The following IL6ST variants were observed in gnomAD, a reference collection of about 807,000 sequenced individuals.
IL6ST encodes interleukin-6 receptor subunit beta.
Under a neutral mutation model 91.3 loss-of-function variants are expected in IL6ST, and 24 were observed. The ratio of observed to expected loss-of-function variants is 0.26; its 90% CI spans 0.19 to 0.37. IL6ST has a LOEUF of 0.37. Among genes scored for constraint, IL6ST ranks in the 10% least tolerant of loss-of-function variants. The pLI, the probability that IL6ST is intolerant of heterozygous loss-of-function variation, is 1.00. For synonymous variants in IL6ST, 351 were observed against 373.6 expected, an observed-to-expected ratio of 0.94 and a Z score of 0.70; for missense variants, 914 against 1,078.5, an observed-to-expected ratio of 0.85 and a Z score of 2.14.
chr5:55,991,944 G>A (rs1475362958), intron 1 of IL6ST, among the ~76,000 whole-genome samples: 6 of 151,984 alleles, frequency 3.9e-5, no homozygotes, highest in African/African-American at 1.2e-4. Context: ...TTTATAATTC[G>A]GTCTTATCTT....
In IL6ST at chr5:55,935,408, T is replaced by C. The variant is rs1360556045; in HGVS notation, c.*5674A>G. ...GAAAATCTTTAGCGGTTGGGGAAAA[T>C]AGCTATATTTAAAAACAAATATTGA... is the stretch of plus-strand genomic sequence containing the variant. On this transcript the variant is annotated 3_prime_UTR_variant, in exon 17 of 17. Transcript: ENST00000381298. The C allele has an allele frequency of 9.8e-6, 2 of 203,788 alleles. No homozygotes were observed. The highest frequency in any genetic ancestry group is 4.6e-5 in the African/African-American group (2 of 43,636). 12.6% of individuals were successfully genotyped at this position (203,788 alleles called of 1,614,324 possible). A position where few individuals can be genotyped will look rare whatever the true frequency, so the allele number is the denominator to read the frequency against.
At position 55,940,019 on chromosome 5, in the gene IL6ST, T is replaced by C. The variant is rs145119330; in HGVS notation, c.*1063A>G. The C allele has an allele frequency of 5.4e-5, 10 of 186,722 alleles. No individual in the cohort carries two copies. The East Asian group carries it at 7.7e-4, about 14-fold the overall frequency. 11.6% of individuals were successfully genotyped at this position (186,722 alleles called of 1,614,324 possible). ...AAAAAAATTTAAATCTTTGCCTACT[T>C]ATTTAAAAATAAAAAAAATACTCAA... On this transcript the variant is annotated 3_prime_UTR_variant, in exon 17 of 17. Transcript: ENST00000381298.
chr5:55,964,223 A>G lies in IL6ST; in HGVS notation c.581T>C (p.Ile194Thr). 1 of 1,610,718 alleles carries G rather than the reference A, an allele frequency of 6.2e-7. No individual in the cohort carries two copies. The highest frequency in any genetic ancestry group is 8.5e-7 in the Non-Finnish European group (1 of 1,177,548). Reference protein sequence around the residue: ...VDYSTVYFVNIEVWVEAENAL... With the variant: ...VDYSTVYFVNTEVWVEAENAL... Reference sequence around the variant, plus strand: ...ATTCTCTGCTTCTACCCAGACTTCAATGTTGACAAAATACACAGTAGAATA... The same window carrying G: ...ATTCTCTGCTTCTACCCAGACTTCAGTGTTGACAAAATACACAGTAGAATA... Residue 194 changes from isoleucine to threonine, a missense_variant, in exon 6 of 17, where the codon ATT (isoleucine) becomes ACT (threonine). Ile to Thr is a moderately conservative substitution (Grantham distance 89). Transcript: ENST00000381298.
chr5:55,956,195 T>A lies in IL6ST; in HGVS notation c.1097A>T (p.Tyr366Phe). ...PFEANGKILD[Y>F]EVTLTRWKSH... is the part of the protein sequence containing the mutation. ...TTTCCATCTTGTGAGAGTCACTTCA[T>A]AATCCAAGATTTTTCCATTGGCTTC... The change falls in exon 10 of 17, where the codon TAT (tyrosine) becomes TTT (phenylalanine). Residue 366 changes from tyrosine (Y) to phenylalanine (F), a missense_variant. Tyr to Phe is a conservative substitution (Grantham distance 22, BLOSUM62 3). Coordinates refer to ENST00000381298, the MANE Select transcript of IL6ST (RefSeq NM_002184.4). The A allele has an allele frequency of 6.2e-7, 1 of 1,611,438 alleles. No homozygotes were observed. The highest frequency in any genetic ancestry group is 1.1e-5 in the South Asian group (1 of 90,960).
intron 15 of IL6ST, 97 bp downstream of exon 15, chr5:55,947,393 TTCA>T: frequency 1.4e-6 from 1 of 709,912 alleles, no homozygotes; most frequent in Non-Finnish European, 2.5e-6. Flanking sequence ...ATTACAAAAA[TTCA>T]TCAAACTGTA....
At chr5:55,983,915 T>C (rs1396294512) in intron 1 of IL6ST, among the ~76,000 whole-genome samples, 3 of 152,184 alleles carry the variant, frequency 2.0e-5, no homozygotes, top group African/African-American at 4.8e-5. Flanking sequence ...TAAGTTAATA[T>C]ATAGAGAGTA....
intron 15 of IL6ST, among the ~76,000 whole-genome samples, 167 bp from the exon 16 acceptor site, chr5:55,942,918 A>G (rs899373862): frequency 4.6e-5 from 7 of 152,188 alleles, no homozygotes; most frequent in Admixed American, 2.6e-4. Context: ...CTTATAACCA[A>G]TAGAAAAATA....
At chr5:55,989,442 T>A (rs1189235065) in intron 1 of IL6ST, among the ~76,000 whole-genome samples, 2 of 152,068 alleles carry the variant, frequency 1.3e-5, no homozygotes, top group Non-Finnish European at 2.9e-5. Flanking sequence ...AAGCATACAC[T>A]CTCTCTCCAG....
rs1750743824 is a variant in IL6ST, at chr5:55,939,440, A to G, written c.*1642T>C. On this transcript the variant is annotated 3_prime_UTR_variant, in exon 17 of 17. Coordinates refer to ENST00000381298, the MANE Select transcript of IL6ST (RefSeq NM_002184.4). Reference sequence around the variant, plus strand: ...TGCAAGAATATAAAAGATAAACAGGAAGTCTAATGTGAACAATATTCTGAG... The same window carrying G: ...TGCAAGAATATAAAAGATAAACAGGGAGTCTAATGTGAACAATATTCTGAG... 1 of 204,282 alleles carries G rather than the reference A, an allele frequency of 4.9e-6. No homozygotes were observed. The highest frequency in any genetic ancestry group is 2.3e-5 in the African/African-American group (1 of 43,764). The allele number at this position is 204,282 out of a possible 1,614,324, so 12.7% of individuals were successfully genotyped here.
chr5:55,937,989 T>A lies in IL6ST; in HGVS notation c.*3093A>T. 1 of 192,936 alleles carries A rather than the reference T, an allele frequency of 5.2e-6. No homozygotes were observed. Among genetic ancestry groups the A allele is most frequent in the Non-Finnish European group, 1.1e-5 (1 of 92,340 alleles). The allele number at this position is 192,936 out of a possible 1,614,324, so 12.0% of individuals were successfully genotyped here. A position where few individuals can be genotyped will look rare whatever the true frequency, so the allele number is the denominator to read the frequency against. ...TTCTATGATTATTCTACTTCTACAT[T>A]TACATGTCATGGTTTTAACTAGTTA... On this transcript the variant is annotated 3_prime_UTR_variant, in exon 17 of 17. Coordinates refer to ENST00000381298, the MANE Select transcript of IL6ST (RefSeq NM_002184.4).
At chr5:55,984,724 G>C (rs923483276) in intron 1 of IL6ST, among the ~76,000 whole-genome samples, 2 of 152,002 alleles carry the variant, frequency 1.3e-5, no homozygotes, top group African/African-American at 4.8e-5. Flanking sequence ...CTGGCATTTT[G>C]GATTTCAGAT....
intron 11 of IL6ST, 94 bp from the exon 12 acceptor site, chr5:55,952,445 C>G (rs948240824): frequency 1.0e-5 from 7 of 669,708 alleles, no homozygotes; most frequent in Non-Finnish European, 1.7e-5. Context: ...TTCATGACCA[C>G]TTAATTTTCT....
At chr5:55,994,280 GAAAAGATC>G (rs1203723424) in intron 1 of IL6ST, 2 of 151,952 alleles carry the variant, frequency 1.3e-5, no homozygotes, top group Non-Finnish European at 2.9e-5. Flanking sequence ...ATTATTAATA[GAAAAGATC>G]AAAAGAAGGA....
At position 55,941,486 on chromosome 5, in the gene IL6ST, G is replaced by A. The variant is rs2111584344; in HGVS notation, c.2353C>T (p.Pro785Ser). 6.2e-7 allele frequency: 1 copy of A among 1,614,148 alleles called. No homozygotes were observed. The highest frequency in any genetic ancestry group is 8.5e-7 in the Non-Finnish European group (1 of 1,180,002). Reference protein sequence around the residue: ...QVFSRSESTQPLLDSEERPED... With the variant: ...QVFSRSESTQSLLDSEERPED... ...GGCCGCTCCTCTGAATCTAACAAGG[G>A]CTGGGTAGACTCGGATCTTGAGAAG... Residue 785 changes from proline to serine, a missense_variant, in exon 17 of 17, where the codon CCC (proline) becomes TCC (serine). Pro to Ser is a moderately conservative substitution (Grantham distance 74). Coordinates refer to ENST00000381298, the MANE Select transcript of IL6ST (RefSeq NM_002184.4).
chr5:55,945,648 CTTTTTTTTTTTTT>C (rs70995749), intron 15 of IL6ST, among the ~76,000 whole-genome samples: 10 of 41,680 alleles, frequency 2.4e-4, no homozygotes, highest in South Asian at 1.3e-3. Context: ...AAAACTTATG[CTTTTTTTTTTTTT>C]TTTTTTTTTT....
rs553617910 is a variant in IL6ST at position 55,961,487 on chromosome 5, G to A, written c.814-926C>T. On this transcript the variant is annotated intron_variant, in intron 7 of 16. Coordinates refer to ENST00000381298, the MANE Select transcript of IL6ST (RefSeq NM_002184.4). ...GTTGAAAGACAGCCGGCTGGGTGCG[G>A]TGGCTCACGCTTGTAATCCCAGCAC... Among the ~76,000 whole-genome samples the A allele has an allele frequency of 2.0e-5, 3 of 152,276 alleles. No homozygotes were observed. The South Asian group carries it at 6.2e-4, about 32-fold the overall frequency.
At chr5:55,966,188 C>T (rs1752618773) in intron 5 of IL6ST, among the ~76,000 whole-genome samples, 1 of 152,102 alleles carries the variant, frequency 6.6e-6, no homozygotes, top group African/African-American at 2.4e-5. Flanking sequence ...AAGGGAAATA[C>T]TAGTGGGAAA....
chr5:55,991,047 T>C (rs1006130936), intron 1 of IL6ST, among the ~76,000 whole-genome samples: 1 of 152,202 alleles, frequency 6.6e-6, no homozygotes, highest in Non-Finnish European at 1.5e-5. Context: ...GCTTCATCCA[T>C]GTCCCTACAA....
Position 55,964,325 on chromosome 5 carries a change from A to G in IL6ST, c.492-13T>C. ...CTTGTGTGTTGCCCTAAATACAAAAAATTGAAGAATCAGTCATTAAAAACA... is the reference window on the plus strand; with the variant it reads ...CTTGTGTGTTGCCCTAAATACAAAAGATTGAAGAATCAGTCATTAAAAACA... On this transcript the variant is annotated splice_polypyrimidine_tract_variant and intron_variant, in intron 5 of 16. Coordinates refer to ENST00000381298, the MANE Select transcript of IL6ST (RefSeq NM_002184.4). The G allele has an allele frequency of 6.3e-7, 1 of 1,589,954 alleles. No homozygotes were observed. The highest frequency in any genetic ancestry group is 8.6e-7 in the Non-Finnish European group (1 of 1,167,018).
Sources: allele counts gnomAD v4.1 joint callset (sites outside exome capture counted in the v4.1 genomes callset), GRCh38; gene constraint gnomAD v4.1.1; transcripts MANE v1.5; gene names NCBI Gene and HGNC (gene_info 2026-07-23, HGNC 2026-07-21).